UFM1: variants seen among roughly 807,000 people sequenced by gnomAD.
UFM1 encodes the protein ubiquitin fold modifier 1.
Under a neutral mutation model 15.4 loss-of-function variants are expected in UFM1, and 9 were observed. That is an observed-to-expected ratio of 0.59 (90% CI 0.35 to 1.02). The LOEUF is 1.02. Among genes scored for constraint, UFM1 ranks in the 50% least tolerant of loss-of-function variants. UFM1 has a pLI of 0.02. For synonymous variants in UFM1, 27 were observed against 36.3 expected (o/e 0.74, Z 0.92); for missense variants, 98 against 104.7 (o/e 0.94, Z 0.28).
chr13:38,358,118 C>A lies in UFM1; in HGVS notation c.143C>A (p.Ala48Glu). Residue 48 changes from alanine to glutamate, a missense_variant, in exon 4 of 6, where the codon GCA becomes GAA. Coordinates refer to ENST00000239878, the MANE Select transcript of UFM1 (RefSeq NM_016617.4). ...TTTAAAGTTCCTGCTGCAACAAGTG[C>A]AATTATTACCAATGGTAAGAATTCA... Reference protein sequence around the residue: ...EEFKVPAATSAIITNDGIGIN... With the variant: ...EEFKVPAATSEIITNDGIGIN... 2.1e-6 allele frequency: 3 copies of A among 1,441,074 alleles called. No individual in the cohort carries two copies. The highest frequency in any genetic ancestry group is 1.5e-5 in the South Asian group (1 of 66,930). 89.3% of individuals were successfully genotyped at this position (1,441,074 alleles called of 1,614,324 possible). A position where few individuals can be genotyped will look rare whatever the true frequency, so the allele number is the denominator to read the frequency against.
At position 38,357,236 on chromosome 13, in the gene UFM1, G is replaced by A. The variant is rs376747520; in HGVS notation, c.118-857G>A. On this transcript the variant is annotated intron_variant, in intron 3 of 5. Transcript: ENST00000239878. Reference sequence around the variant, plus strand: ...CCTTGGTTGTTACCTGAAAATCTTCGGTAGGCACCTCCCATTAAACACAGA... The same window carrying A: ...CCTTGGTTGTTACCTGAAAATCTTCAGTAGGCACCTCCCATTAAACACAGA... Among the ~76,000 whole-genome samples, 57 of 151,926 alleles carry A rather than the reference G, an allele frequency of 3.8e-4. 1 individual carries two copies. In the South Asian group the frequency reaches 9.1e-3, roughly 24 times the overall value.
In UFM1 at chr13:38,361,265, AAC is replaced by A. The variant is rs1378753628; in HGVS notation, c.*489_*490del. The stretch of plus-strand genomic sequence containing the variant: ...GATGAAGTGAATAGACATATCAGTG[AAC>A]AGTTAACTATATTAAATTTTTATCA... On this transcript the variant is annotated 3_prime_UTR_variant, in exon 6 of 6. Coordinates refer to ENST00000239878, the MANE Select transcript of UFM1 (RefSeq NM_016617.4). 1 of 152,196 alleles carries A rather than the reference AAC, an allele frequency of 6.6e-6. No homozygotes were observed. The highest frequency in any genetic ancestry group is 1.5e-5 in the Non-Finnish European group (1 of 68,058). The allele number at this position is 152,196 out of a possible 1,614,324, so 9.4% of individuals were successfully genotyped here.
chr13:38,354,159 A>C, intron 2 of UFM1, 80 bp from the exon 3 acceptor site: 1 of 1,346,656 alleles, frequency 7.4e-7, no homozygotes. Context: ...GATTGGCTAC[A>C]GTAGTGGAAA....
intron 3 of UFM1, 86 bp downstream of exon 3, chr13:38,354,382 C>G: frequency 8.8e-7 from 1 of 1,137,490 alleles, no homozygotes; most frequent in South Asian, 1.6e-5. Context: ...GCACTTTGAC[C>G]CATCATTTCC....
At chr13:38,354,487 A>G (rs911043384) in intron 3 of UFM1, 191 bp downstream of exon 3, 3 of 411,056 alleles carry the variant, frequency 7.3e-6, no homozygotes, top group Non-Finnish European at 8.7e-6. Context: ...ACAAATTGAC[A>G]TATCTGATTA....
intron 2 of UFM1, 134 bp downstream of exon 2, chr13:38,350,189 C>G (rs1451738427): frequency 5.0e-6 from 8 of 1,613,450 alleles, no homozygotes; most frequent in African/African-American, 1.3e-5. Flanking sequence ...TGGCTCGCGC[C>G]CTTCCAGGAG....
intron 2 of UFM1, among the ~76,000 whole-genome samples, chr13:38,352,963 C>G (rs760730836): frequency 1.3e-5 from 2 of 152,098 alleles, no homozygotes; most frequent in Non-Finnish European, 2.9e-5. Context: ...ATACTGTTGC[C>G]TAGTTTGTAA....
chr13:38,351,114 T>G (rs1028839364), intron 2 of UFM1, among the ~76,000 whole-genome samples: 2 of 152,242 alleles, frequency 1.3e-5, no homozygotes, highest in African/African-American at 2.4e-5. Flanking sequence ...ATTCCTTACC[T>G]TACTCCTTAT....
chr13:38,356,990 T>C (rs1593297511), intron 3 of UFM1, among the ~76,000 whole-genome samples: 2 of 151,916 alleles, frequency 1.3e-5, no homozygotes, highest in South Asian at 4.1e-4. Flanking sequence ...TACCAATAAA[T>C]TCCATACCAC....
intron 3 of UFM1, among the ~76,000 whole-genome samples, chr13:38,357,587 C>T (rs1879163479): frequency 6.6e-6 from 1 of 151,404 alleles, no homozygotes; most frequent in African/African-American, 2.4e-5. Context: ...GGGGTTCCAA[C>T]CCCCTGTGCA....
At chr13:38,350,810 G>A (rs1036543365) in intron 2 of UFM1, among the ~76,000 whole-genome samples, 11 of 152,170 alleles carry the variant, frequency 7.2e-5, no homozygotes, top group Admixed American at 3.3e-4. Context: ...CTACCTAGCT[G>A]ACTGATAAAT....
intron 2 of UFM1, among the ~76,000 whole-genome samples, chr13:38,350,734 A>C (rs17298046): frequency 0.022 from 3,375 of 152,350 alleles, 48 homozygotes; most frequent in Middle Eastern, 0.044. Flanking sequence ...AGTTGGAAGT[A>C]GCATGAAATG....
chr13:38,362,859 T>C lies in UFM1; in HGVS notation c.*2081T>C, dbSNP rs1879481646. The C allele has an allele frequency of 6.6e-6, 1 of 152,252 alleles. No homozygotes were observed. The highest frequency in any genetic ancestry group is 1.5e-5 in the Non-Finnish European group (1 of 68,044). 9.4% of individuals were successfully genotyped at this position (152,252 alleles called of 1,614,324 possible). A position where few individuals can be genotyped will look rare whatever the true frequency, so the allele number is the denominator to read the frequency against. On this transcript the variant is annotated 3_prime_UTR_variant, in exon 6 of 6. Transcript: ENST00000239878. ...ACATTGTAAGTTCCTAAAAACATTT[T>C]ATTAAACAAGTAGACATTTTGTTAT...
At chr13:38,359,380 C>A (rs1879271447) in intron 5 of UFM1, 47 bp downstream of exon 5, 2 of 1,583,172 alleles carry the variant, frequency 1.3e-6, no homozygotes, top group Middle Eastern at 1.8e-4. Flanking sequence ...TTATATATGT[C>A]AATTGACACT....
chr13:38,350,253 G>T, intron 2 of UFM1, 198 bp downstream of exon 2: 2 of 1,579,502 alleles, frequency 1.3e-6, no homozygotes, highest in Non-Finnish European at 1.7e-6. Flanking sequence ...CTAAGTGTCA[G>T]CTTGGCAGCT....
At chr13:38,354,805 T>G (rs1879021871) in intron 3 of UFM1, 1 of 152,042 alleles carries the variant, frequency 6.6e-6, no homozygotes, top group Admixed American at 6.6e-5. Flanking sequence ...TCCAAAATTA[T>G]TAGAAATATC....
intron 2 of UFM1, chr13:38,350,339 G>A: frequency 1.7e-6 from 2 of 1,160,040 alleles, no homozygotes; most frequent in South Asian, 1.3e-5. Context: ...GGCAGGTGGC[G>A]CGGGAGGACA....
intron 3 of UFM1, chr13:38,354,558 A>G: frequency 6.0e-6 from 2 of 331,556 alleles, no homozygotes; most frequent in Middle Eastern, 5.1e-4. Context: ...TATGAAAACT[A>G]AAAAGGTGCT....
intron 4 of UFM1, 80 bp from the exon 5 acceptor site, chr13:38,359,221 T>C (rs1388966873): frequency 1.2e-5 from 16 of 1,355,790 alleles, no homozygotes; most frequent in Non-Finnish European, 1.7e-5. Context: ...AGCACTATTT[T>C]GGCAAATCTC....
Sources: allele counts gnomAD v4.1 joint callset (sites outside exome capture counted in the v4.1 genomes callset), GRCh38; gene constraint gnomAD v4.1.1; transcripts MANE v1.5; gene names NCBI Gene and HGNC (gene_info 2026-07-23, HGNC 2026-07-21).